The following SELENON variants were observed in gnomAD, a reference collection of about 807,000 sequenced individuals.
SELENON encodes selenoprotein N.
Under a neutral mutation model 59.5 loss-of-function variants are expected in SELENON, and 44 were observed. The ratio of observed to expected loss-of-function variants is 0.74; its 90% CI spans 0.58 to 0.95. SELENON has a LOEUF of 0.95. Among genes scored for constraint, SELENON ranks in the 40% least tolerant of loss-of-function variants. The probability of loss-of-function intolerance (pLI) is 0.00; values close to 1 mark genes in which losing one functional copy is unlikely to be tolerated. For synonymous variants in SELENON, 320 were observed against 305.6 expected (o/e 1.05, Z -0.49); for missense variants, 674 against 721.4 (o/e 0.93, Z 0.75).
rs754413602 is a variant in SELENON, at chr1:25,811,706, A to G, written c.1108A>G (p.Thr370Ala). The G allele has an allele frequency of 6.2e-7, 1 of 1,609,528 alleles. No individual in the cohort carries two copies. The highest frequency in any genetic ancestry group is 1.1e-5 in the South Asian group (1 of 90,552). Residue 370 changes from threonine to alanine, a missense_variant, in exon 9 of 13, where the codon ACG (threonine) becomes GCG (alanine). By Grantham distance (58) the Thr-to-Ala change is moderately conservative (BLOSUM62 0). Coordinates refer to ENST00000361547, the MANE Select transcript of SELENON (RefSeq NM_020451.3). ...TCTGGCCCAGATGGAGCTGGAGGCC[A>G]CGGGCCCCTCTGTGCCCTCCGTGAT...
rs1557434610 is a variant in SELENON at position 25,815,535 on chromosome 1, G to A, written c.1603-13G>A. 1.2e-6 allele frequency: 2 copies of A among 1,613,722 alleles called. No individual in the cohort carries two copies. The highest frequency in any genetic ancestry group is 1.7e-5 in the Admixed American group (1 of 60,018). ...CCCTCCGCCCCACTTGCCTCACCCG[G>A]CCCTTCTCCCAGGTCCATCACATCA... On this transcript the variant is annotated splice_polypyrimidine_tract_variant and intron_variant, in intron 12 of 12. Transcript: ENST00000361547.
At position 25,815,807 on chromosome 1, in the gene SELENON, TC is replaced by T; in HGVS notation, c.*92del. 7.2e-7 allele frequency: 1 copy of T among 1,389,358 alleles called. No individual in the cohort carries two copies. The highest frequency in any genetic ancestry group is 1.0e-6 in the Non-Finnish European group (1 of 994,954). The allele number at this position is 1,389,358 out of a possible 1,614,324, so 86.1% of individuals were successfully genotyped here. On this transcript the variant is annotated 3_prime_UTR_variant, in exon 13 of 13. Coordinates refer to ENST00000361547, the MANE Select transcript of SELENON (RefSeq NM_020451.3). The stretch of plus-strand genomic sequence containing the variant: ...ATTTCAGACTGCAGATGCCGCCCAC[TC>T]CCACCCCACTCCTAGGCTGCCTTGG...
chr1:25,809,943 T>G, intron 7 of SELENON, 123 bp downstream of exon 6: 1 of 1,302,516 alleles, frequency 7.7e-7, no homozygotes, highest in Non-Finnish European at 1.1e-6. Flanking sequence ...GCCCATCTCA[T>G]GGGGCTGACG....
At chr1:25,809,948 C>A in intron 7 of SELENON, 128 bp downstream of exon 6, 2 of 1,248,402 alleles carry the variant, frequency 1.6e-6, no homozygotes, top group Non-Finnish European at 2.3e-6. Context: ...TCTCATGGGG[C>A]TGACGTGGCA....
intron 10 of SELENON, among the ~76,000 whole-genome samples, chr1:25,813,202 A>G (rs1557433282): frequency 6.6e-6 from 1 of 152,184 alleles, no homozygotes; most frequent in East Asian, 1.9e-4. Context: ...GCTTGTGTTA[A>G]TTGATTCAGG....
In SELENON at chr1:25,802,114, CTGAG is replaced by C. The variant is rs773670891; in HGVS notation, c.402_403+2del. 2.0e-4 allele frequency: 54 copies of C among 274,290 alleles called. No individual in the cohort carries two copies. Among genetic ancestry groups the C allele is most frequent in the African/African-American group, 1.0e-3 (44 of 43,874 alleles). 17.0% of individuals were successfully genotyped at this position (274,290 alleles called of 1,614,324 possible). The stretch of plus-strand genomic sequence containing the variant: ...CAATTGATCCTCCTGCCTCAGCCTC[CTGAG>C]TAAGTGGGACCACAGGCATGTGCTA... On this transcript the variant is annotated splice_donor_variant and coding_sequence_variant, in exon 3 of 13. Transcript: ENST00000361547. LOFTEE classifies it high-confidence loss of function.
chr1:25,808,464 T>C, intron 4 of SELENON, 116 bp from the exon 4 acceptor site: 1 of 1,204,176 alleles, frequency 8.3e-7, no homozygotes, highest in East Asian at 2.3e-5. Context: ...CTGGGGTCCA[T>C]CTGCTCCCTT....
At chr1:25,808,933 C>T in intron 5 of SELENON, 93 bp from the exon 5 acceptor site, 5 of 1,603,824 alleles carry the variant, frequency 3.1e-6, no homozygotes, top group Non-Finnish European at 4.3e-6. Flanking sequence ...CCCATGGGGC[C>T]CCTGGGCCGT....
intron 1 of SELENON, 111 bp downstream of exon 1, chr1:25,800,524 A>T: frequency 6.4e-6 from 2 of 313,964 alleles, no homozygotes; most frequent in Non-Finnish European, 8.4e-6. Flanking sequence ...CGGAGGGCGG[A>T]GGGGGACTGG....
intron 10 of SELENON, 54 bp from the exon 10 acceptor site, chr1:25,813,827 G>A: frequency 1.4e-6 from 2 of 1,416,412 alleles, no homozygotes; most frequent in Non-Finnish European, 2.0e-6. Context: ...CCCAAAGCAA[G>A]ATTGCACCCC....
chr1:25,805,453 G>T (rs2047898997), intron 4 of SELENON, among the ~76,000 whole-genome samples, 178 bp downstream of exon 3: 1 of 152,202 alleles, frequency 6.6e-6, no homozygotes, highest in Non-Finnish European at 1.5e-5. Context: ...GGGAGCAGGA[G>T]AGAGAAGCAT....
Position 25,801,105 on chromosome 1 carries a change from C to T in SELENON, c.246C>T (p.Asp82=), listed in dbSNP as rs765917781. 1.9e-6 allele frequency: 3 copies of T among 1,614,150 alleles called. No individual in the cohort carries two copies. The highest frequency in any genetic ancestry group is 2.5e-6 in the Non-Finnish European group (3 of 1,180,024). The change falls in exon 2 of 13, where the codon GAC becomes GAT. Residue 82 remains aspartate (D), a synonymous_variant. Transcript: ENST00000361547. Reference sequence around the variant, plus strand: ...TTCTCTTTTCCTCCTTGGACACTGACGGGGATATGTACATCAGCCCTGAGG... The same window carrying T: ...TTCTCTTTTCCTCCTTGGACACTGATGGGGATATGTACATCAGCCCTGAGG...
chr1:25,805,296 A>G (rs1170522708), intron 4 of SELENON, 21 bp downstream of exon 3: 4 of 1,613,750 alleles, frequency 2.5e-6, no homozygotes, highest in South Asian at 1.1e-5. Flanking sequence ...GACCACAGGC[A>G]GTGGGGTCAT....
At position 25,814,086 on chromosome 1, in the gene SELENON, G is replaced by A; in HGVS notation, c.1510G>A (p.Glu504Lys). 1.2e-6 allele frequency: 2 copies of A among 1,614,118 alleles called. No homozygotes were observed. Among genetic ancestry groups the A allele is most frequent in the Non-Finnish European group, 1.7e-6 (2 of 1,179,968 alleles). Reference sequence around the variant, plus strand: ...GCAACTGTCCCCACAGAACAACCAGGAGAACTCGTCCCACCAGAAGCTGGC... The same window carrying A: ...GCAACTGTCCCCACAGAACAACCAGAAGAACTCGTCCCACCAGAAGCTGGC... The change falls in exon 12 of 13, where the codon GAG (glutamate) becomes AAG (lysine). Residue 504 changes from glutamate (E) to lysine (K), a missense_variant. Transcript: ENST00000361547.
chr1:25,805,680 A>G (rs2047900822), intron 4 of SELENON, among the ~76,000 whole-genome samples: 1 of 151,730 alleles, frequency 6.6e-6, no homozygotes, highest in Admixed American at 6.6e-5. Context: ...CCACACATCC[A>G]TCTCTTCCCC....
chr1:25,811,298 G>T (rs892978964), intron 7 of SELENON, among the ~76,000 whole-genome samples, 156 bp from the exon 7 acceptor site: 6 of 152,212 alleles, frequency 3.9e-5, no homozygotes, highest in Non-Finnish European at 5.9e-5. Flanking sequence ...GGGCTCTGCA[G>T]CCAGAATCCC....
intron 12 of SELENON, among the ~76,000 whole-genome samples, chr1:25,814,410 T>C (rs2047993503): frequency 6.6e-6 from 1 of 152,130 alleles, no homozygotes; most frequent in African/African-American, 2.4e-5. Flanking sequence ...GCAGTGAGCA[T>C]AGTCCTGAGG....
rs200431320 is a variant in SELENON, at chr1:25,812,756, C to T, written c.1351C>T (p.Leu451=). ...TGAGAACAAGCTGGTGCACTCAATC[C>T]TGCTGTGGGGGGCCCTGGATGACCA... The change falls in exon 10 of 13, where the codon CTG becomes TTG. Residue 451 remains leucine (L), a synonymous_variant. Coordinates refer to ENST00000361547, the MANE Select transcript of SELENON (RefSeq NM_020451.3). The T allele has an allele frequency of 1.9e-6, 3 of 1,613,566 alleles. No individual in the cohort carries two copies. Among genetic ancestry groups the T allele is most frequent in the Non-Finnish European group, 1.7e-6 (2 of 1,179,876 alleles).
In SELENON at chr1:25,811,760, A is replaced by G. The variant is rs562843129; in HGVS notation, c.1162A>G (p.Ser388Gly). Residue 388 changes from serine (S) to glycine (G), a missense_variant, in exon 9 of 13, where the codon AGC becomes GGC. Coordinates refer to ENST00000361547, the MANE Select transcript of SELENON (RefSeq NM_020451.3). ...GGATGAGGATGGCAGCATGATCGAC[A>G]GCCACCTGCCTTCAGGGGAGCCCCT... The G allele has an allele frequency of 3.8e-4, 604 of 1,598,172 alleles. 11 individuals are homozygous for G. The South Asian group carries it at 6.3e-3, about 17-fold the overall frequency.
Sources: gnomAD v4.1 joint callset for allele counts (sites outside exome capture counted in the v4.1 genomes callset) on GRCh38, gnomAD v4.1.1 for gene constraint, MANE v1.5 for transcripts, NCBI Gene and HGNC (gene_info 2026-07-23, HGNC 2026-07-21) for gene names.